HBP1: variants seen among roughly 807,000 people sequenced by gnomAD.
HBP1 encodes HMG-box transcription factor 1, also known as HMG box-containing protein 1.
Under a neutral mutation model 62.6 loss-of-function variants are expected in HBP1, and 20 were observed. That is an observed-to-expected ratio of 0.32 (90% confidence interval 0.22 to 0.46). The LOEUF is 0.46. HBP1 is among the 20% of genes least tolerant of loss of function. The pLI is 1.00. For missense variants in HBP1, 480 were observed against 611.8 expected (o/e 0.78, Z 2.27); for synonymous variants, 232 against 206.2 (o/e 1.12, Z -1.07).
At chr7:107,177,971 G>A (rs549360227) in intron 1 of HBP1, among the ~76,000 whole-genome samples, 3 of 151,938 alleles carry the variant, frequency 2.0e-5, no homozygotes, top group Non-Finnish European at 4.4e-5. Context: ...CAGTGTCATC[G>A]GTGTTTATTG....
rs1055413755 is a variant in HBP1 at position 107,202,013 on chromosome 7, C to A, written c.*582C>A. 6.5e-6 allele frequency: 1 copy of A among 152,688 alleles called. No individual in the cohort carries two copies. The allele number at this position is 152,688 out of a possible 1,614,324, so 9.5% of individuals were successfully genotyped here. ...GTTGGTGTCCCAGCCTAAGAGCCAC[C>A]TGCTGCAGTTACCATGGCATGCTGA... On this transcript the variant is annotated 3_prime_UTR_variant, in exon 11 of 11. Transcript: ENST00000222574.
intron 3 of HBP1, 108 bp downstream of exon 3, chr7:107,182,709 TAA>T: frequency 3.3e-6 from 2 of 609,562 alleles, no homozygotes; most frequent in East Asian, 2.8e-5. Flanking sequence ...TATTAGAATT[TAA>T]GTCATTAGAA....
At chr7:107,200,934 A>T (rs1004735462) in intron 10 of HBP1, 6 of 153,306 alleles carry the variant, frequency 3.9e-5, no homozygotes, top group Non-Finnish European at 7.3e-5. Context: ...ATTACATGTG[A>T]TATAGTGGGG....
intron 1 of HBP1, chr7:107,179,603 C>G (rs868243144): frequency 3.8e-5 from 7 of 184,506 alleles, no homozygotes; most frequent in Non-Finnish European, 5.8e-5. Flanking sequence ...GAAACCCCAT[C>G]TCTACTAAAA....
chr7:107,181,057 T>G (rs1381467875), intron 2 of HBP1, among the ~76,000 whole-genome samples: 1 of 152,158 alleles, frequency 6.6e-6, no homozygotes, highest in Non-Finnish European at 1.5e-5. Flanking sequence ...AATAGCTATA[T>G]CAGCATGAAA....
At chr7:107,173,398 A>G (rs1796696062) in intron 1 of HBP1, 1 of 152,162 alleles carries the variant, frequency 6.6e-6, no homozygotes, top group African/African-American at 2.4e-5. Flanking sequence ...AATAATAGGC[A>G]CTTGAAAGCA....
chr7:107,185,700 A>G, intron 3 of HBP1, 101 bp from the exon 4 acceptor site: 1 of 841,970 alleles, frequency 1.2e-6, no homozygotes, highest in South Asian at 1.9e-5. Context: ...AATGTGTTCA[A>G]TGTAATAACA....
At chr7:107,182,671 C>G in intron 3 of HBP1, 70 bp downstream of exon 3, 1 of 852,546 alleles carries the variant, frequency 1.2e-6, no homozygotes, top group Non-Finnish European at 1.8e-6. Flanking sequence ...AAAAATTTTT[C>G]TAGTTTAAAA....
Position 107,169,175 on chromosome 7 carries a change from C to T in HBP1, c.-26C>T. 1 of 1,022,712 alleles carries T rather than the reference C, an allele frequency of 9.8e-7. No individual in the cohort carries two copies. Among genetic ancestry groups the T allele is most frequent in the Non-Finnish European group, 1.2e-6 (1 of 844,740 alleles). The allele number at this position is 1,022,712 out of a possible 1,614,324, so 63.4% of individuals were successfully genotyped here. A position where few individuals can be genotyped will look rare whatever the true frequency, so the allele number is the denominator to read the frequency against. ...GCGGCCCGCGCCTGGGCTGCCGGCA[C>T]TTCGCGGCAGGTTTGTTGTCTTTCA... On this transcript the variant is annotated 5_prime_UTR_variant, in exon 1 of 11. Transcript: ENST00000222574.
rs60734729 is a variant in HBP1, at chr7:107,171,073, A to ATTTTTTTTT, written c.-16+1895_-16+1903dup. Among the ~76,000 whole-genome samples, 56 of 87,194 alleles carry ATTTTTTTTT rather than the reference A, an allele frequency of 6.4e-4. 10 individuals carry two copies. The highest frequency in any genetic ancestry group is 3.2e-3 in the African/African-American group (49 of 15,124). The allele number at this position is 87,194 out of a possible 152,430, so 57.2% of individuals were successfully genotyped here. On this transcript the variant is annotated intron_variant, in intron 1 of 10. Coordinates refer to ENST00000222574, the MANE Select transcript of HBP1 (RefSeq NM_012257.4). ...TATATATATATATATATATATATAT[A>ATTTTTTTTT]TTTTTTTTTTTTTTTGAGAGGGAGT...
Position 107,179,958 on chromosome 7 carries a change from A to G in HBP1, c.65A>G (p.Asp22Gly), listed in dbSNP as rs1311821287. ...GTACAGAAACTCCTGTTGGTGATGG[A>G]CAAGAGAGCCTCAGGAATGAATGAC... Reference protein sequence around the residue: ...NAVQKLLLVMDKRASGMNDSL... With the variant: ...NAVQKLLLVMGKRASGMNDSL... Residue 22 changes from aspartate (D) to glycine (G), a missense_variant, in exon 2 of 11, where the codon GAC becomes GGC. Coordinates refer to ENST00000222574, the MANE Select transcript of HBP1 (RefSeq NM_012257.4). The G allele has an allele frequency of 6.2e-7, 1 of 1,611,754 alleles. No individual in the cohort carries two copies. The highest frequency in any genetic ancestry group is 8.5e-7 in the Non-Finnish European group (1 of 1,177,934).
chr7:107,199,082 T>G, intron 9 of HBP1, among the ~76,000 whole-genome samples: 1 of 152,234 alleles, frequency 6.6e-6, no homozygotes, highest in South Asian at 2.1e-4. Context: ...AAAAATTGGT[T>G]ATCATTTTAT....
chr7:107,201,607 G>C lies in HBP1; in HGVS notation c.*176G>C. 3 of 457,074 alleles carry C rather than the reference G, an allele frequency of 6.6e-6. No homozygotes were observed. Among genetic ancestry groups the C allele is most frequent in the Non-Finnish European group, 8.0e-6 (2 of 250,394 alleles). 28.3% of individuals were successfully genotyped at this position (457,074 alleles called of 1,614,324 possible). ...GAGTGAGGATTTGCTTTCTCCATTA[G>C]AGCATTAAGCTAAAACTATCAACAT... On this transcript the variant is annotated 3_prime_UTR_variant, in exon 11 of 11. Transcript: ENST00000222574.
intron 1 of HBP1, chr7:107,169,997 C>CA: frequency 1.0e-6 from 1 of 985,486 alleles, no homozygotes; most frequent in Non-Finnish European, 1.2e-6. Flanking sequence ...GCGAAGTGGA[C>CA]AGCCAGGTTT....
chr7:107,189,521 T>G (rs1175698635), intron 7 of HBP1, 73 bp downstream of exon 7: 1 of 1,196,832 alleles, frequency 8.4e-7, no homozygotes, highest in African/African-American at 1.6e-5. Context: ...TGTCTGTAGC[T>G]TTGATGATTA....
rs750740346 is a variant in HBP1 at position 107,180,080 on chromosome 7, T to C, written c.169+18T>C. On this transcript the variant is annotated intron_variant, in intron 2 of 10. Transcript: ENST00000222574. ...GGAGCTTGGTAAGCAAAATTAAAAGTTATATAGAAATCTCACTAAGATTCA... is the reference window on the plus strand; with the variant it reads ...GGAGCTTGGTAAGCAAAATTAAAAGCTATATAGAAATCTCACTAAGATTCA... 4.0e-5 allele frequency: 59 copies of C among 1,491,020 alleles called. 1 individual carries two copies. The Middle Eastern group carries it at 1.1e-3, about 27-fold the overall frequency. The allele number at this position is 1,491,020 out of a possible 1,614,324, so 92.4% of individuals were successfully genotyped here. A position where few individuals can be genotyped will look rare whatever the true frequency, so the allele number is the denominator to read the frequency against.
In HBP1 at chr7:107,202,297, TC is replaced by T. The variant is rs1798390311; in HGVS notation, c.*868del. On this transcript the variant is annotated 3_prime_UTR_variant, in exon 11 of 11. Coordinates refer to ENST00000222574, the MANE Select transcript of HBP1 (RefSeq NM_012257.4). ...CAGTGCAACACTTGCACTTTAATTT[TC>T]CTCCAACTGTCTAAAATTAGAGCAA... The T allele has an allele frequency of 2.0e-5, 3 of 152,632 alleles. No homozygotes were observed. The highest frequency in any genetic ancestry group is 4.4e-5 in the Non-Finnish European group (3 of 68,040). The allele number at this position is 152,632 out of a possible 1,614,324, so 9.5% of individuals were successfully genotyped here.
At chr7:107,176,445 C>T (rs531111293) in intron 1 of HBP1, among the ~76,000 whole-genome samples, 1 of 152,156 alleles carries the variant, frequency 6.6e-6, no homozygotes, top group Non-Finnish European at 1.5e-5. Flanking sequence ...TCCAGCATTG[C>T]AACTAATACA....
chr7:107,178,250 C>T (rs540822502), intron 1 of HBP1, among the ~76,000 whole-genome samples: 8 of 152,172 alleles, frequency 5.3e-5, no homozygotes, highest in Admixed American at 6.5e-5. Context: ...CTGAAGTTGT[C>T]GTCCCCCTTC....
Sources: allele counts gnomAD v4.1 joint callset (sites outside exome capture counted in the v4.1 genomes callset), GRCh38; gene constraint gnomAD v4.1.1; transcripts MANE v1.5; gene names NCBI Gene and HGNC (gene_info 2026-07-23, HGNC 2026-07-21).